The following DYRK1A variants were observed in gnomAD, a reference collection of about 807,000 sequenced individuals.
The protein encoded by DYRK1A is dual specificity tyrosine phosphorylation regulated kinase 1A, also known as dual specificity tyrosine-phosphorylation-regulated kinase 1A.
A neutral mutation model predicts 79.7 loss-of-function variants in DYRK1A; 9 were observed. The ratio of observed to expected loss-of-function variants is 0.11; its 90% CI spans 0.07 to 0.20. The LOEUF is 0.20. Ranked by LOEUF, DYRK1A falls within the 10% of genes least tolerant of loss-of-function variation. The pLI is 1.00. For missense variants in DYRK1A, 622 were observed against 956.0 expected, an observed-to-expected ratio of 0.65 and a Z score of 4.61; for synonymous variants, 349 against 329.7, an observed-to-expected ratio of 1.06 and a Z score of -0.63.
In DYRK1A at chr21:37,519,736, G is replaced by GTTTTTTTTGTTTTTGTTTTT. The variant is rs58947386; in HGVS notation, c.*7213_*7214insGTTTTTGTTTTTTTTTTTTT. 2 of 85,802 alleles carry GTTTTTTTTGTTTTTGTTTTT rather than the reference G, an allele frequency of 2.3e-5. No individual in the cohort carries two copies. The highest frequency in any genetic ancestry group is 9.7e-5 in the African/African-American group (2 of 20,580). 5.3% of individuals were successfully genotyped at this position (85,802 alleles called of 1,614,324 possible). A position where few individuals can be genotyped will look rare whatever the true frequency, so the allele number is the denominator to read the frequency against. ...AGAGTTTTGAGGTTTGTTGTGGGAA[G>GTTTTTTTTGTTTTTGTTTTT]TTTTTTTTTTTTTTTTTTTTTTTGA... is the stretch of plus-strand genomic sequence containing the variant. On this transcript the variant is annotated 3_prime_UTR_variant, in exon 12 of 12. Transcript: ENST00000647188.
At chr21:37,411,763 A>T (rs574247568) in intron 1 of DYRK1A, among the ~76,000 whole-genome samples, 12 of 152,350 alleles carry the variant, frequency 7.9e-5, no homozygotes, top group African/African-American at 2.4e-4. Flanking sequence ...AATACAGATA[A>T]GAATGACAAT....
chr21:37,435,983 G>A (rs1423986769), intron 2 of DYRK1A, among the ~76,000 whole-genome samples: 1 of 145,628 alleles, frequency 6.9e-6, no homozygotes, highest in East Asian at 2.2e-4. Context: ...CAGATGGTAG[G>A]TTCTGCAGAA....
At chr21:37,378,498 A>C (rs1253235240) in intron 1 of DYRK1A, among the ~76,000 whole-genome samples, 1 of 152,202 alleles carries the variant, frequency 6.6e-6, no homozygotes, top group Non-Finnish European at 1.5e-5. Context: ...ACGCCATTGC[A>C]CTCCAGCCTG....
intron 6 of DYRK1A, chr21:37,488,083 G>A (rs1237080948): frequency 6.6e-6 from 1 of 152,278 alleles, no homozygotes; most frequent in East Asian, 1.9e-4. Context: ...ATTTAAAAAA[G>A]ACATAGCTGG....
At chr21:37,437,325 T>C (rs1786232010) in intron 2 of DYRK1A, among the ~76,000 whole-genome samples, 1 of 152,136 alleles carries the variant, frequency 6.6e-6, no homozygotes, top group African/African-American at 2.4e-5. Context: ...TGGTATTGAG[T>C]AATTTCAAGG....
intron 9 of DYRK1A, 121 bp downstream of exon 9, chr21:37,496,379 C>T (rs757386420): frequency 5.2e-6 from 5 of 959,370 alleles, no homozygotes; most frequent in Non-Finnish European, 7.7e-6. Flanking sequence ...TTTATTGATA[C>T]CTTACATAGA....
At chr21:37,390,571 C>T (rs2049851308) in intron 1 of DYRK1A, among the ~76,000 whole-genome samples, 1 of 152,006 alleles carries the variant, frequency 6.6e-6, no homozygotes, top group Admixed American at 6.6e-5. Flanking sequence ...TTTGTCGTTA[C>T]TGTTTTTCTT....
chr21:37,366,462 C>T (rs999807267), upstream of DYRK1A, among the ~76,000 whole-genome samples: 1 of 148,774 alleles, frequency 6.7e-6, no homozygotes. Flanking sequence ...CAGGCCTGGC[C>T]GCCGCCTCGC....
intron 2 of DYRK1A, among the ~76,000 whole-genome samples, chr21:37,423,872 A>G (rs924263843): frequency 3.3e-5 from 5 of 152,166 alleles, no homozygotes; most frequent in African/African-American, 1.2e-4. Flanking sequence ...CACTATATAT[A>G]TACTCATATA....
chr21:37,445,805 G>T (rs1290084403), intron 2 of DYRK1A, among the ~76,000 whole-genome samples: 1 of 152,116 alleles, frequency 6.6e-6, no homozygotes, highest in Non-Finnish European at 1.5e-5. Context: ...CCAAGAAAAA[G>T]TTGGGAATTT....
At chr21:37,499,519 A>T (rs1050261477) in intron 9 of DYRK1A, among the ~76,000 whole-genome samples, 1 of 152,186 alleles carries the variant, frequency 6.6e-6, no homozygotes, top group Admixed American at 6.5e-5. Context: ...AGGAAAATGG[A>T]CATCTTAACA....
At position 37,516,747 on chromosome 21, in the gene DYRK1A, C is replaced by G. The variant is rs2053884622; in HGVS notation, c.*4216C>G. On this transcript the variant is annotated 3_prime_UTR_variant, in exon 12 of 12. Transcript: ENST00000647188. Reference sequence around the variant, plus strand: ...GCCAAGGTCCCAGATTTTGGCTGCTCTCAGTGGGTGTTCTTGCATCAGAAC... The same window carrying G: ...GCCAAGGTCCCAGATTTTGGCTGCTGTCAGTGGGTGTTCTTGCATCAGAAC... 1 of 152,096 alleles carries G rather than the reference C, an allele frequency of 6.6e-6. No individual in the cohort carries two copies. Among genetic ancestry groups the G allele is most frequent in the Non-Finnish European group, 1.5e-5 (1 of 68,030 alleles). The allele number at this position is 152,096 out of a possible 1,614,324, so 9.4% of individuals were successfully genotyped here.
At chr21:37,383,923 C>G (rs1298901499) in intron 1 of DYRK1A, among the ~76,000 whole-genome samples, 4 of 151,960 alleles carry the variant, frequency 2.6e-5, no homozygotes, top group African/African-American at 9.7e-5. Context: ...CTGCTTTTGA[C>G]TATTCTGAAT....
intron 3 of DYRK1A, among the ~76,000 whole-genome samples, chr21:37,474,105 T>C (rs902713980): frequency 1.3e-5 from 2 of 152,198 alleles, no homozygotes; most frequent in African/African-American, 4.8e-5. Context: ...TTTGTGACTT[T>C]TCCGTGTGTG....
chr21:37,442,176 A>G (rs1390661499), intron 2 of DYRK1A, among the ~76,000 whole-genome samples: 1 of 152,004 alleles, frequency 6.6e-6, no homozygotes. Flanking sequence ...TTTGATAATT[A>G]CGTACCTTAG....
At chr21:37,457,885 G>C (rs1212216467) in intron 2 of DYRK1A, among the ~76,000 whole-genome samples, 1 of 152,194 alleles carries the variant, frequency 6.6e-6, no homozygotes, top group Non-Finnish European at 1.5e-5. Context: ...GAAGAAGACA[G>C]AGGTAAAGAT....
intron 2 of DYRK1A, among the ~76,000 whole-genome samples, chr21:37,456,589 G>A (rs1430317542): frequency 6.6e-6 from 1 of 152,096 alleles, no homozygotes; most frequent in Non-Finnish European, 1.5e-5. Context: ...TCACTTGCAG[G>A]TGTTCAACAA....
At chr21:37,378,162 C>T (rs2049585658) in intron 1 of DYRK1A, among the ~76,000 whole-genome samples, 2 of 152,144 alleles carry the variant, frequency 1.3e-5, no homozygotes, top group Non-Finnish European at 2.9e-5. Context: ...AGTTTGAACA[C>T]CTTAAGTTGT....
At chr21:37,485,875 A>G (rs2052844926) in intron 5 of DYRK1A, among the ~76,000 whole-genome samples, 1 of 152,054 alleles carries the variant, frequency 6.6e-6, no homozygotes, top group Non-Finnish European at 1.5e-5. Flanking sequence ...ATAATCCCCC[A>G]ATTATGGCGT....
Sources: allele counts gnomAD v4.1 joint callset (sites outside exome capture counted in the v4.1 genomes callset), GRCh38; gene constraint gnomAD v4.1.1; transcripts MANE v1.5; gene names NCBI Gene and HGNC (gene_info 2026-07-23, HGNC 2026-07-21).